NRIP3: variants seen among roughly 807,000 people sequenced by gnomAD.
NRIP3 encodes the protein nuclear receptor-interacting protein 3.
In NRIP3, 31 loss-of-function variants were observed where a neutral mutation model predicts 29.0. That is an observed-to-expected ratio of 1.07 (90% CI 0.80 to 1.44). The LOEUF is 1.44. NRIP3 is among the 40% of genes most tolerant of loss of function. The pLI, the probability that NRIP3 is intolerant of heterozygous loss-of-function variation, is 0.00. For missense variants in NRIP3, 314 were observed against 297.9 expected (o/e 1.05, Z -0.40); for synonymous variants, 131 against 118.3 (o/e 1.11, Z -0.70).
Position 8,985,589 on chromosome 11 carries a change from A to G in NRIP3, c.562+122T>C, listed in dbSNP as rs541730284. On this transcript the variant is annotated intron_variant, in intron 4 of 6. Transcript: ENST00000309166. Reference sequence around the variant, plus strand: ...AAATTGGGACAAGGTCTACAGTACAAAAAAATGGGAACCATTTTGAAAAAG... The same window carrying G: ...AAATTGGGACAAGGTCTACAGTACAGAAAAATGGGAACCATTTTGAAAAAG... 1,676 of 1,309,886 alleles carry G rather than the reference A, an allele frequency of 1.3e-3. 1 individual carries two copies. Among genetic ancestry groups the G allele is most frequent in the Non-Finnish European group, 1.5e-3 (1,473 of 961,912 alleles). The allele number at this position is 1,309,886 out of a possible 1,614,324, so 81.1% of individuals were successfully genotyped here.
chr11:8,997,784 T>G (rs1033705694), intron 1 of NRIP3, among the ~76,000 whole-genome samples: 8 of 152,172 alleles, frequency 5.3e-5, no homozygotes, highest in Non-Finnish European at 1.0e-4. Context: ...CAGGATACCA[T>G]AGAATCATAA....
chr11:8,993,773 C>G (rs1854650236), intron 1 of NRIP3, among the ~76,000 whole-genome samples: 1 of 144,250 alleles, frequency 6.9e-6, no homozygotes. Context: ...CACACCACTG[C>G]ACTCCAGCCT....
intron 1 of NRIP3, among the ~76,000 whole-genome samples, chr11:9,001,498 A>T (rs992216785): frequency 2.6e-5 from 4 of 152,210 alleles, no homozygotes; most frequent in Admixed American, 2.6e-4. Context: ...TCTCCCTCTG[A>T]TGCTATCCTC....
At chr11:8,988,581 A>G (rs1029532929) in intron 1 of NRIP3, among the ~76,000 whole-genome samples, 1 of 152,214 alleles carries the variant, frequency 6.6e-6, no homozygotes, top group Non-Finnish European at 1.5e-5. Context: ...GATTTGGACT[A>G]ACCTAGGCCT....
chr11:9,001,984 A>G (rs933167563), intron 1 of NRIP3, among the ~76,000 whole-genome samples: 1 of 152,252 alleles, frequency 6.6e-6, no homozygotes, highest in African/African-American at 2.4e-5. Flanking sequence ...TCCTCTTTGC[A>G]GCCTGCTGCC....
chr11:8,983,751 T>C, intron 6 of NRIP3, 124 bp downstream of exon 6: 1 of 941,224 alleles, frequency 1.1e-6, no homozygotes, highest in Non-Finnish European at 1.7e-6. Flanking sequence ...GAAGGGTGGA[T>C]TTGTAGTATA....
chr11:8,991,258 G>A (rs753764906), intron 1 of NRIP3, among the ~76,000 whole-genome samples: 9 of 151,514 alleles, frequency 5.9e-5, no homozygotes, highest in Admixed American at 2.6e-4. Context: ...CCGAGATCGC[G>A]CCACTGCACT....
intron 1 of NRIP3, among the ~76,000 whole-genome samples, chr11:8,990,957 T>C (rs1854588897): frequency 6.6e-6 from 1 of 152,186 alleles, no homozygotes; most frequent in Non-Finnish European, 1.5e-5. Flanking sequence ...TATAAAAGAC[T>C]AATCATACTA....
At chr11:8,989,155 G>C (rs1353272310) in intron 1 of NRIP3, among the ~76,000 whole-genome samples, 1 of 152,222 alleles carries the variant, frequency 6.6e-6, no homozygotes, top group South Asian at 2.1e-4. Context: ...TCTACACTTT[G>C]ATAGAGCTTA....
chr11:8,997,355 CAAAAAAAAAAAA>C (rs11324721), intron 1 of NRIP3, among the ~76,000 whole-genome samples: 2 of 100,860 alleles, frequency 2.0e-5, no homozygotes, highest in Admixed American at 1.1e-4. Context: ...GACTCCGTCT[CAAAAAAAAAAAA>C]AAAAAAAAAA....
intron 1 of NRIP3, among the ~76,000 whole-genome samples, chr11:8,993,643 T>C (rs1854647695): frequency 6.6e-6 from 1 of 151,852 alleles, no homozygotes; most frequent in African/African-American, 2.4e-5. Flanking sequence ...ATTCTGCCTC[T>C]ACAAAAAATA....
intron 1 of NRIP3, among the ~76,000 whole-genome samples, chr11:8,991,937 G>A (rs1316304981): frequency 6.6e-6 from 1 of 152,180 alleles, no homozygotes; most frequent in East Asian, 1.9e-4. Flanking sequence ...CTGGAGTGGA[G>A]ATGACCACTA....
chr11:8,983,016 A>G lies in NRIP3; in HGVS notation c.*529T>C, dbSNP rs1289957748. On this transcript the variant is annotated 3_prime_UTR_variant, in exon 7 of 7. Transcript: ENST00000309166. ...CTCTGGACCTTTAAATGAAAGAGTT[A>G]AACTGTAATGGATAATGTCCCTGGG... The G allele has an allele frequency of 1.1e-5, 5 of 456,586 alleles. No individual in the cohort carries two copies. Among genetic ancestry groups the G allele is most frequent in the Non-Finnish European group, 1.8e-5 (4 of 227,036 alleles). 28.3% of individuals were successfully genotyped at this position (456,586 alleles called of 1,614,324 possible). A position where few individuals can be genotyped will look rare whatever the true frequency, so the allele number is the denominator to read the frequency against.
chr11:8,985,576 G>T, intron 4 of NRIP3, 135 bp downstream of exon 4: 1 of 1,078,342 alleles, frequency 9.3e-7, no homozygotes, highest in African/African-American at 1.6e-5. Context: ...ATTGGGACAA[G>T]GTCTACAGTA....
chr11:8,986,797 T>C (rs117901182), intron 3 of NRIP3, among the ~76,000 whole-genome samples: 1,815 of 152,274 alleles, frequency 0.012, 15 homozygotes, highest in Non-Finnish European at 0.017. Flanking sequence ...AGCGGGCAGA[T>C]TGCTTGAGCC....
chr11:8,987,498 C>G, intron 3 of NRIP3, 50 bp downstream of exon 3: 2 of 1,295,686 alleles, frequency 1.5e-6, no homozygotes, highest in Non-Finnish European at 2.2e-6. Context: ...TAGAGTCAAG[C>G]GAAGAGTACA....
intron 1 of NRIP3, among the ~76,000 whole-genome samples, chr11:8,989,251 A>T (rs1167192123): frequency 6.6e-6 from 1 of 152,244 alleles, no homozygotes; most frequent in Admixed American, 6.5e-5. Context: ...TCTTGAAAAG[A>T]AATCCTTTGA....
At chr11:8,985,651 T>G (rs1234841483) in intron 4 of NRIP3, 60 bp downstream of exon 4, 2 of 1,564,966 alleles carry the variant, frequency 1.3e-6, no homozygotes, top group Admixed American at 1.9e-5. Flanking sequence ...TGAGGTTTTG[T>G]TGGGGGTAGG....
intron 1 of NRIP3, among the ~76,000 whole-genome samples, chr11:9,002,253 A>C (rs1323228996): frequency 2.0e-5 from 3 of 152,172 alleles, no homozygotes; most frequent in Non-Finnish European, 4.4e-5. Flanking sequence ...CTAGGATAGG[A>C]TTATTTGGCC....
Sources: gnomAD v4.1 joint callset for allele counts (sites outside exome capture counted in the v4.1 genomes callset) on GRCh38, gnomAD v4.1.1 for gene constraint, MANE v1.5 for transcripts, NCBI Gene and HGNC (gene_info 2026-07-23, HGNC 2026-07-21) for gene names.